MYO5A: variants seen among roughly 807,000 people sequenced by gnomAD.
MYO5A encodes the protein myosin VA.
MYO5A carries 98 observed loss-of-function variants against 249.7 expected under a neutral mutation model. The observed-to-expected ratio is 0.39, with a 90% CI of 0.33 to 0.46. MYO5A has a LOEUF of 0.46. MYO5A is among the 20% of genes least tolerant of loss of function. The pLI is 0.98. For missense variants in MYO5A, 1,696 were observed against 2,308.8 expected (o/e 0.73, Z 5.44); for synonymous variants, 778 against 810.6 (o/e 0.96, Z 0.68).
At chr15:52,398,104 G>C (rs529306727) in intron 9 of MYO5A, among the ~76,000 whole-genome samples, 1 of 152,112 alleles carries the variant, frequency 6.6e-6, no homozygotes, top group African/African-American at 2.4e-5. Flanking sequence ...GAAGCTGAAT[G>C]AGGGAGAAAA....
intron 6 of MYO5A, among the ~76,000 whole-genome samples, chr15:52,409,679 C>G (rs1285259181): frequency 6.6e-6 from 1 of 152,126 alleles, no homozygotes; most frequent in East Asian, 1.9e-4. Flanking sequence ...ATGAGGCAAG[C>G]AGTAGGTCTA....
rs375148419 is a variant in MYO5A, at chr15:52,389,274, T to G, written c.1632A>C (p.Ser544=). 21 of 1,613,582 alleles carry G rather than the reference T, an allele frequency of 1.3e-5. No individual in the cohort carries two copies. Among genetic ancestry groups the G allele is most frequent in the African/African-American group, 4.0e-5 (3 of 74,934 alleles). ...AATGTTGGATGATGAAAGCTTTGTT[T>G]GATAGACGAGGCTTTTCAAAGAGTG... ...KCALFEKPRL[S]NKAFIIQHFA... The change falls in exon 13 of 42, where the codon TCA becomes TCC. Residue 544 remains serine, a synonymous_variant. Transcript: ENST00000399233.
intron 1 of MYO5A, among the ~76,000 whole-genome samples, chr15:52,454,156 G>T (rs13329510): frequency 0.039 from 5,987 of 152,144 alleles, 321 homozygotes; most frequent in African/African-American, 0.13. Flanking sequence ...GACTGAAAGT[G>T]AAGGGATGGA....
chr15:52,384,139 A>G (rs2141137370), intron 15 of MYO5A, 22 bp downstream of exon 15: 1 of 1,613,876 alleles, frequency 6.2e-7, no homozygotes, highest in East Asian at 2.2e-5. Flanking sequence ...GGAGCGTGGC[A>G]GCGGCAGCTC....
chr15:52,524,922 T>A lies in MYO5A; in HGVS notation c.27+3858A>T, dbSNP rs149690967. ...ACCCAGCTTCAAGTAATCTTGACCA[T>A]CCTATAGCATGGATACCATGGTGCT... is the stretch of plus-strand genomic sequence containing the variant. On this transcript the variant is annotated intron_variant, in intron 1 of 41. Coordinates refer to ENST00000399233, the MANE Select transcript of MYO5A (RefSeq NM_001382347.1). 5.3e-3 allele frequency among the ~76,000 whole-genome samples: 796 copies of A among 151,162 alleles called. 4 individuals carry two copies. The highest frequency in any genetic ancestry group is 0.019 in the African/African-American group (773 of 41,194).
chr15:52,379,777 C>T, intron 17 of MYO5A, 44 bp from the exon 18 acceptor site: 1 of 1,613,882 alleles, frequency 6.2e-7, no homozygotes, highest in South Asian at 1.1e-5. Flanking sequence ...GAACTAGGAT[C>T]TTCTCCCATT....
At chr15:52,491,028 C>T (rs1016945714) in intron 1 of MYO5A, among the ~76,000 whole-genome samples, 1 of 152,094 alleles carries the variant, frequency 6.6e-6, no homozygotes, top group African/African-American at 2.4e-5. Context: ...CCTGGTTGTA[C>T]AACAATATGA....
At chr15:52,413,059 A>AT (rs2043318617) in intron 5 of MYO5A, among the ~76,000 whole-genome samples, 1 of 151,174 alleles carries the variant, frequency 6.6e-6, no homozygotes, top group Non-Finnish European at 1.5e-5. Context: ...AGGCAGGAGA[A>AT]TCGTTTGAAT....
intron 14 of MYO5A, among the ~76,000 whole-genome samples, chr15:52,384,831 A>G (rs923979533): frequency 1.3e-5 from 2 of 152,182 alleles, no homozygotes; most frequent in African/African-American, 2.4e-5. Context: ...CGAAAATCTC[A>G]GCAGGAAAGG....
chr15:52,446,633 C>T (rs11855252), intron 1 of MYO5A, among the ~76,000 whole-genome samples: 22,980 of 152,168 alleles, frequency 0.15, 1,844 homozygotes, highest in Middle Eastern at 0.22. Context: ...TGGCACCTTG[C>T]ACCTTCAGCC....
At chr15:52,412,198 A>T (rs1408869125) in intron 5 of MYO5A, among the ~76,000 whole-genome samples, 2 of 152,186 alleles carry the variant, frequency 1.3e-5, no homozygotes, top group Non-Finnish European at 2.9e-5. Flanking sequence ...TCCTGCCAGT[A>T]ACTAAGCAAG....
Position 52,526,613 on chromosome 15 carries a change from G to A in MYO5A, c.27+2167C>T, listed in dbSNP as rs527447301. Among the ~76,000 whole-genome samples the A allele has an allele frequency of 2.0e-5, 3 of 152,088 alleles. No homozygotes were observed. In the South Asian group the frequency reaches 6.2e-4, roughly 32 times the overall value. On this transcript the variant is annotated intron_variant, in intron 1 of 41. Transcript: ENST00000399233. ...TGACCTCAGGTGATTCACCCACCTC[G>A]GCAACGTGTTGGGATTACAGGCGTG...
intron 36 of MYO5A, among the ~76,000 whole-genome samples, chr15:52,325,435 A>T: frequency 7.0e-6 from 1 of 143,696 alleles, no homozygotes; most frequent in African/African-American, 2.6e-5. Context: ...TGAGACAGAG[A>T]CTCTTGCCCA....
chr15:52,357,181 T>C (rs929998131), intron 25 of MYO5A, among the ~76,000 whole-genome samples: 3 of 152,154 alleles, frequency 2.0e-5, no homozygotes, highest in Admixed American at 6.5e-5. Flanking sequence ...AAAATACTTA[T>C]ATTGAAGCTT....
At chr15:52,505,241 A>G (rs987196767) in intron 1 of MYO5A, 1 of 774,834 alleles carries the variant, frequency 1.3e-6, no homozygotes, top group Non-Finnish European at 2.4e-6. Flanking sequence ...CTCAATGATT[A>G]CCTGACAGAC....
rs144942115 is a variant in MYO5A, at chr15:52,405,537, T to C, written c.947-144A>G. 1.1e-3 allele frequency: 760 copies of C among 711,138 alleles called. 5 individuals carry two copies. In the East Asian group the frequency reaches 0.012, roughly 12 times the overall value. The allele number at this position is 711,138 out of a possible 1,614,324, so 44.1% of individuals were successfully genotyped here. On this transcript the variant is annotated intron_variant, in intron 8 of 41. Transcript: ENST00000399233. ...TAATGTGTCATAGCTAACAACACTT[T>C]CATCTTTGTTGACATTAACACATTA...
rs72623980 is a variant in MYO5A at position 52,410,502 on chromosome 15, T to C, written c.613-26A>G. On this transcript the variant is annotated intron_variant, in intron 5 of 41. Transcript: ENST00000399233. ...CTAAAAAGCAAGGGAGAAAATAAGA[T>C]TTTAGAAGTGTAATTCATAACATGA... 0.16 allele frequency: 257,493 copies of C among 1,595,050 alleles called. 21,494 individuals are homozygous for C. The highest frequency in any genetic ancestry group is 0.21 in the Middle Eastern group (1,216 of 5,924).
chr15:52,350,176 C>A (rs1305533212), intron 28 of MYO5A, among the ~76,000 whole-genome samples: 1 of 152,336 alleles, frequency 6.6e-6, no homozygotes, highest in South Asian at 2.1e-4. Flanking sequence ...TCGTGATCTG[C>A]CCGCCTCGGC....
chr15:52,356,282 T>C (rs552758861), intron 25 of MYO5A, among the ~76,000 whole-genome samples: 1 of 152,216 alleles, frequency 6.6e-6, no homozygotes, highest in South Asian at 2.1e-4. Context: ...TTTTCTGATA[T>C]GAGAACAGAA....
Sources: allele counts gnomAD v4.1 joint callset (sites outside exome capture counted in the v4.1 genomes callset), GRCh38; gene constraint gnomAD v4.1.1; transcripts MANE v1.5; gene names NCBI Gene and HGNC (gene_info 2026-07-23, HGNC 2026-07-21).